The following DNAH14 variants were observed in gnomAD, a reference collection of about 807,000 sequenced individuals.
DNAH14 encodes axonemal beta dynein heavy chain 14.
DNAH14 carries 478 observed loss-of-function variants against 520.9 expected under a neutral mutation model. The ratio of observed to expected loss-of-function variants is 0.92; its 90% CI spans 0.85 to 0.99. The LOEUF (loss-of-function observed/expected upper bound fraction) is 0.99. DNAH14 is among the 50% of genes least tolerant of loss of function. DNAH14 has a pLI of 0.00. For synonymous variants in DNAH14, 1,581 were observed against 1,757.2 expected, an observed-to-expected ratio of 0.90 and a Z score of 2.51; for missense variants, 4,831 against 5,234.5, an observed-to-expected ratio of 0.92 and a Z score of 2.38.
At chr1:225,133,608 A>T (rs757340429) in intron 27 of DNAH14, among the ~76,000 whole-genome samples, 2 of 152,206 alleles carry the variant, frequency 1.3e-5, no homozygotes, top group South Asian at 2.1e-4. Flanking sequence ...TACCAGCACC[A>T]TGCTGTTTTG....
chr1:225,006,940 T>C (rs1483502776), intron 9 of DNAH14, among the ~76,000 whole-genome samples: 2 of 152,174 alleles, frequency 1.3e-5, no homozygotes, highest in African/African-American at 2.4e-5. Flanking sequence ...GCTGTAAAAT[T>C]TCTCTCTTTT....
chr1:225,273,645 A>C (rs1002218312), intron 52 of DNAH14, among the ~76,000 whole-genome samples: 1 of 152,208 alleles, frequency 6.6e-6, no homozygotes. Context: ...GCCCCTTAGC[A>C]ACCTCAAAAC....
rs200880149 is a variant in DNAH14, at chr1:225,232,278, T to TACAC, written c.6518+1128_6518+1129insCACA. On this transcript the variant is annotated intron_variant, in intron 42 of 85. Transcript: ENST00000682510. This position sits in a 1 kb window ranked among gnomAD's most constrained non-coding sequence, Gnocchi z 4.2. Reference sequence around the variant, plus strand: ...ATATATATAAACTGTGATATATATATATACACACACACACACACACACGTG... The same window carrying TACAC: ...ATATATATAAACTGTGATATATATATACACATACACACACACACACACACACGTG... 7.5e-6 allele frequency among the ~76,000 whole-genome samples: 1 copy of TACAC among 133,904 alleles called. No homozygotes were observed. Among genetic ancestry groups the TACAC allele is most frequent in the African/African-American group, 3.0e-5 (1 of 33,496 alleles). The allele number at this position is 133,904 out of a possible 152,430, so 87.8% of individuals were successfully genotyped here.
chr1:225,259,225 C>A lies in DNAH14; in HGVS notation c.7129C>A (p.Leu2377Ile). 6.6e-7 allele frequency: 1 copy of A among 1,518,934 alleles called. No individual in the cohort carries two copies. The highest frequency in any genetic ancestry group is 2.5e-5 in the East Asian group (1 of 39,858). The allele number at this position is 1,518,934 out of a possible 1,614,324, so 94.1% of individuals were successfully genotyped here. Residue 2377 changes from leucine (L) to isoleucine (I), a missense_variant, in exon 46 of 86, where the codon CTA becomes ATA. By Grantham distance (5) the Leu-to-Ile change is conservative (BLOSUM62 2). Coordinates refer to ENST00000682510, the MANE Select transcript of DNAH14 (RefSeq NM_001367479.1). The part of the protein sequence containing the change: ...IKHGSILGDT[L>I]LYSEIKKSSS... ...ACATGGTTCAATTTTAGGAGACACC[C>A]TATTATATAGTGAAATAAAAAAATC... is the stretch of plus-strand genomic sequence containing the variant.
chr1:225,290,196 T>G, intron 55 of DNAH14, 114 bp downstream of exon 55: 1 of 703,270 alleles, frequency 1.4e-6, no homozygotes, highest in Non-Finnish European at 2.1e-6. Context: ...AATGGTTCTA[T>G]TACCCTACAA....
At chr1:225,092,056 G>A (rs534621457) in intron 21 of DNAH14, among the ~76,000 whole-genome samples, 1 of 152,158 alleles carries the variant, frequency 6.6e-6, no homozygotes, top group African/African-American at 2.4e-5. Context: ...CAACACAGGA[G>A]CACCCAGATT....
At chr1:225,287,253 G>A (rs2093769087) in intron 54 of DNAH14, among the ~76,000 whole-genome samples, 1 of 152,162 alleles carries the variant, frequency 6.6e-6, no homozygotes, top group Non-Finnish European at 1.5e-5. Context: ...ATCCCAGGAT[G>A]AAATGCAGAA....
chr1:225,142,951 T>TA (rs2079586034), intron 28 of DNAH14, among the ~76,000 whole-genome samples: 2 of 152,114 alleles, frequency 1.3e-5, no homozygotes, highest in South Asian at 4.1e-4. Flanking sequence ...TTTAATTTTT[T>TA]AAAAAAATTA....
intron 23 of DNAH14, among the ~76,000 whole-genome samples, chr1:225,102,837 G>T (rs1409824871): frequency 6.6e-6 from 1 of 152,078 alleles, no homozygotes; most frequent in Non-Finnish European, 1.5e-5. Flanking sequence ...CCATCCTGTA[G>T]GTTGCCTGTT....
intron 41 of DNAH14, 28 bp downstream of exon 41, chr1:225,207,248 A>G: frequency 1.4e-6 from 2 of 1,479,012 alleles, no homozygotes; most frequent in Non-Finnish European, 1.8e-6. Context: ...AGTCATATCA[A>G]TGATATATCT....
intron 33 of DNAH14, among the ~76,000 whole-genome samples, chr1:225,153,537 A>G (rs546850488): frequency 6.6e-6 from 1 of 151,614 alleles, no homozygotes; most frequent in Non-Finnish European, 1.5e-5. Context: ...TAACACCTTT[A>G]ATATTTGTTA....
chr1:225,397,567 C>G (rs897153750), intron 84 of DNAH14: 7 of 152,266 alleles, frequency 4.6e-5, no homozygotes, highest in Non-Finnish European at 1.0e-4. Flanking sequence ...GGCTGGGCAT[C>G]CCTCCAGCAC....
intron 4 of DNAH14, among the ~76,000 whole-genome samples, chr1:224,964,062 TTAAG>T (rs1458228114): frequency 2.0e-5 from 3 of 152,228 alleles, no homozygotes; most frequent in African/African-American, 7.2e-5. Flanking sequence ...AGCTAAGAGA[TTAAG>T]TGAGAGATGT....
At chr1:224,987,286 A>C (rs890143702) in intron 8 of DNAH14, among the ~76,000 whole-genome samples, 1 of 152,156 alleles carries the variant, frequency 6.6e-6, no homozygotes, top group Non-Finnish European at 1.5e-5. Flanking sequence ...TCCAAGTTCA[A>C]ATCCAACAAC....
intron 49 of DNAH14, 52 bp from the exon 50 acceptor site, chr1:225,270,683 T>G: frequency 6.6e-7 from 1 of 1,505,460 alleles, no homozygotes; most frequent in Non-Finnish European, 9.0e-7. Context: ...AGGTACATAC[T>G]TCACTTCCTA....
intron 1 of DNAH14, among the ~76,000 whole-genome samples, chr1:224,939,118 T>C (rs2059235068): frequency 6.6e-6 from 1 of 152,250 alleles, no homozygotes; most frequent in Non-Finnish European, 1.5e-5. Flanking sequence ...ATTATATATG[T>C]ATATTTTACC....
At chr1:225,229,696 C>G (rs1404036391) in intron 41 of DNAH14, among the ~76,000 whole-genome samples, 2 of 151,960 alleles carry the variant, frequency 1.3e-5, no homozygotes, top group Non-Finnish European at 2.9e-5. Context: ...CATGTTCTCA[C>G]TCATAAGCTG....
chr1:225,012,331 A>G (rs962349685), intron 10 of DNAH14, among the ~76,000 whole-genome samples: 1 of 152,098 alleles, frequency 6.6e-6, no homozygotes, highest in African/African-American at 2.4e-5. Context: ...TGTTAGTCTG[A>G]TGGGCTTCCC....
intron 44 of DNAH14, among the ~76,000 whole-genome samples, chr1:225,253,901 C>A (rs2092646124): frequency 6.6e-6 from 1 of 152,150 alleles, no homozygotes; most frequent in Non-Finnish European, 1.5e-5. Context: ...GTTTCTCTAT[C>A]ATTGGAAGAT....
Sources: allele counts gnomAD v4.1 joint callset (sites outside exome capture counted in the v4.1 genomes callset), GRCh38; gene constraint gnomAD v4.1.1; non-coding constraint Gnocchi (gnomAD v3.1); transcripts MANE v1.5; gene names NCBI Gene and HGNC (gene_info 2026-07-23, HGNC 2026-07-21).